COL5A2: variants seen among roughly 807,000 people sequenced by gnomAD.
The protein encoded by COL5A2 is collagen alpha-2(V) chain.
In COL5A2, 23 loss-of-function variants were observed where a neutral mutation model predicts 208.2. The ratio of observed to expected loss-of-function variants is 0.11; its 90% CI spans 0.08 to 0.16. The LOEUF is 0.16. Ranked by LOEUF, COL5A2 falls within the 10% of genes least tolerant of loss-of-function variation. The pLI is 1.00. For synonymous variants in COL5A2, 625 were observed against 628.5 expected, an observed-to-expected ratio of 0.99 and a Z score of 0.08; for missense variants, 1,590 against 1,956.4, an observed-to-expected ratio of 0.81 and a Z score of 3.53.
the COL5A2 span, among the ~76,000 whole-genome samples, chr2:189,440,716 C>T: frequency 6.6e-6 from 1 of 152,274 alleles, no homozygotes; most frequent in Admixed American, 6.5e-5. Context: ...CAAAAATAAA[C>T]ATGTTGAGAT....
At chr2:189,091,674 A>T (rs2105666352) in intron 7 of COL5A2, among the ~76,000 whole-genome samples, 1 of 152,324 alleles carries the variant, frequency 6.6e-6, no homozygotes, top group Admixed American at 6.5e-5. Context: ...ACAAAAAAAA[A>T]TTCACATAAC....
chr2:189,217,624 A>C (rs1205304975), intron 1 of COL5A2, among the ~76,000 whole-genome samples: 2 of 152,222 alleles, frequency 1.3e-5, no homozygotes, highest in African/African-American at 2.4e-5. Context: ...CAGCATTGCA[A>C]CATAAAAACT....
chr2:189,394,833 T>G, the COL5A2 span, among the ~76,000 whole-genome samples: 2 of 152,196 alleles, frequency 1.3e-5, no homozygotes, highest in Admixed American at 1.3e-4. Context: ...AATTGAAATG[T>G]GGTCCTTTCC....
chr2:189,077,970 TGC>T (rs1686447795), intron 16 of COL5A2, among the ~76,000 whole-genome samples: 1 of 152,220 alleles, frequency 6.6e-6, no homozygotes, highest in South Asian at 2.1e-4. Flanking sequence ...AATTAGAATA[TGC>T]CTCCTATACA....
chr2:189,308,759 G>A, the COL5A2 span, among the ~76,000 whole-genome samples: 3 of 152,132 alleles, frequency 2.0e-5, no homozygotes, highest in Non-Finnish European at 2.9e-5. Context: ...TGACCTGGAA[G>A]CCCTCCCTTC....
intron 17 of COL5A2, among the ~76,000 whole-genome samples, chr2:189,074,227 T>C (rs1056343369): frequency 2.8e-4 from 43 of 152,094 alleles, no homozygotes; most frequent in African/African-American, 9.7e-4. Context: ...CTCTGAATGA[T>C]CTCACACTAA....
the COL5A2 span, among the ~76,000 whole-genome samples, chr2:189,431,274 A>C: frequency 6.6e-6 from 1 of 152,306 alleles, no homozygotes; most frequent in South Asian, 2.1e-4. Context: ...TAAAAACCAG[A>C]GTGCCTCTTC....
At chr2:189,409,865 T>C in the COL5A2 span, among the ~76,000 whole-genome samples, 3 of 152,160 alleles carry the variant, frequency 2.0e-5, no homozygotes, top group Non-Finnish European at 4.4e-5. Context: ...AACCACAGTT[T>C]GATGGAAACT....
upstream of COL5A2, chr2:189,179,835 G>T: frequency 1.5e-6 from 1 of 648,586 alleles, no homozygotes; most frequent in Non-Finnish European, 2.6e-6. Flanking sequence ...CCCCTTTTCA[G>T]CTTGTTCAGG....
At chr2:189,221,542 C>T (rs1310870926) in intron 1 of COL5A2, among the ~76,000 whole-genome samples, 1 of 151,880 alleles carries the variant, frequency 6.6e-6, no homozygotes, top group Non-Finnish European at 1.5e-5. Context: ...ATAATAATAA[C>T]CATGATGTTA....
the COL5A2 span, among the ~76,000 whole-genome samples, chr2:189,426,076 G>T: frequency 6.6e-6 from 1 of 152,176 alleles, no homozygotes; most frequent in Non-Finnish European, 1.5e-5. Flanking sequence ...ATGTGGAAAT[G>T]ACTTTGAAAC....
chr2:189,041,137 A>G (rs546501962), intron 50 of COL5A2, among the ~76,000 whole-genome samples: 2 of 152,304 alleles, frequency 1.3e-5, no homozygotes, highest in African/African-American at 4.8e-5. Flanking sequence ...AGTCAACACT[A>G]CTGAAACTTT....
At chr2:189,340,685 G>A in the COL5A2 span, among the ~76,000 whole-genome samples, 3 of 152,194 alleles carry the variant, frequency 2.0e-5, no homozygotes. Context: ...GGATTGAATA[G>A]TTTTCATTTC....
intron 1 of COL5A2, among the ~76,000 whole-genome samples, chr2:189,177,018 C>A (rs1446787349): frequency 1.3e-5 from 2 of 152,080 alleles, no homozygotes; most frequent in African/African-American, 4.8e-5. Flanking sequence ...TTCTATCAGG[C>A]AGGCATACTC....
the COL5A2 span, among the ~76,000 whole-genome samples, chr2:189,323,588 A>T: frequency 1.3e-5 from 2 of 152,200 alleles, no homozygotes; most frequent in African/African-American, 4.8e-5. Flanking sequence ...CAAAGAGAAT[A>T]AAATACCTAG....
chr2:189,190,286 T>C (rs1052615881), intron 1 of COL5A2, among the ~76,000 whole-genome samples: 1 of 152,188 alleles, frequency 6.6e-6, no homozygotes, highest in Non-Finnish European at 1.5e-5. Flanking sequence ...TTGTTTTCTC[T>C]GGAATAACTG....
chr2:189,206,265 T>C (rs1411321724), intron 1 of COL5A2, among the ~76,000 whole-genome samples: 2 of 152,146 alleles, frequency 1.3e-5, no homozygotes, highest in Admixed American at 6.6e-5. Context: ...ACCAACCATA[T>C]GCTGAAAGAA....
chr2:189,297,045 T>C, the COL5A2 span, among the ~76,000 whole-genome samples: 1 of 152,192 alleles, frequency 6.6e-6, no homozygotes, highest in Non-Finnish European at 1.5e-5. Flanking sequence ...TTGAAAATGC[T>C]CCCAGTGGAA....
At chr2:189,225,409 C>G (rs1372091120), upstream of COL5A2, among the ~76,000 whole-genome samples, 1 of 152,132 alleles carries the variant, frequency 6.6e-6, no homozygotes, top group East Asian at 1.9e-4. Context: ...GCAATCACCT[C>G]TCCCATCTTC....
Sources: gnomAD v4.1 joint callset for allele counts (sites outside exome capture counted in the v4.1 genomes callset) on GRCh38, gnomAD v4.1.1 for gene constraint, MANE v1.5 for transcripts, NCBI Gene and HGNC (gene_info 2026-07-23, HGNC 2026-07-21) for gene names.